PCDHA10: variants seen among roughly 807,000 people sequenced by gnomAD.
The protein encoded by PCDHA10 is protocadherin alpha 10.
A neutral mutation model predicts 61.2 loss-of-function variants in PCDHA10; 45 were observed. The observed-to-expected ratio is 0.74, with a 90% CI of 0.58 to 0.94. The LOEUF (loss-of-function observed/expected upper bound fraction) is 0.94, where lower values mean the gene tolerates loss of function less well. Among genes scored for constraint, PCDHA10 ranks in the 40% least tolerant of loss-of-function variants. The probability of loss-of-function intolerance (pLI) is 0.00; values close to 1 mark genes in which losing one functional copy is unlikely to be tolerated. For synonymous variants in PCDHA10, 602 were observed against 548.8 expected, an observed-to-expected ratio of 1.10 and a Z score of -1.35; for missense variants, 1,278 against 1,236.2, an observed-to-expected ratio of 1.03 and a Z score of -0.51.
intron 3 of PCDHA10, among the ~76,000 whole-genome samples, chr5:140,994,027 A>G (rs1237081548): frequency 2.6e-5 from 4 of 152,234 alleles, no homozygotes; most frequent in Non-Finnish European, 2.9e-5. Context: ...TGCAGATATA[A>G]TATTAAATAT....
rs374326542 is a variant in PCDHA10, at chr5:140,927,218, A to G, written c.2389-51731A>G. The G allele has an allele frequency of 2.5e-6, 4 of 1,613,972 alleles. No individual in the cohort carries two copies. The African/African-American group carries it at 5.3e-5, about 22-fold the overall frequency. On this transcript the variant is annotated intron_variant, in intron 1 of 3. Coordinates refer to ENST00000307360, the MANE Select transcript of PCDHA10 (RefSeq NM_018901.4). ...CTCGAGGACCCGCTGGAGCTGCACA[A>G]GATTCGGATTCACGTCCTGGACACC...
At position 140,928,541 on chromosome 5, in the gene PCDHA10, A is replaced by T. The variant is rs149868042; in HGVS notation, c.2389-50408A>T. Reference sequence around the variant, plus strand: ...AACTTGTTTGTGGTAGATAGGAATGACAATTATCCGGTTATCTTGTTTCCC... The same window carrying T: ...AACTTGTTTGTGGTAGATAGGAATGTCAATTATCCGGTTATCTTGTTTCCC... On this transcript the variant is annotated intron_variant, in intron 1 of 3. Transcript: ENST00000307360. 1,755 of 1,614,192 alleles carry T rather than the reference A, an allele frequency of 1.1e-3. 11 individuals carry two copies. In the African/African-American group the frequency reaches 0.015, roughly 13 times the overall value.
chr5:140,872,015 G>T (rs1322069149), intron 1 of PCDHA10, among the ~76,000 whole-genome samples: 3 of 152,208 alleles, frequency 2.0e-5, no homozygotes, highest in Non-Finnish European at 4.4e-5. Flanking sequence ...GTGACCTGTA[G>T]CCTGGAACTG....
intron 1 of PCDHA10, among the ~76,000 whole-genome samples, chr5:140,948,089 G>A (rs1348120900): frequency 6.6e-6 from 1 of 151,454 alleles, no homozygotes; most frequent in African/African-American, 2.4e-5. Flanking sequence ...CTATTGATAT[G>A]AGCATATGAT....
chr5:140,991,885 A>G (rs1554252463), intron 3 of PCDHA10, among the ~76,000 whole-genome samples: 1 of 152,198 alleles, frequency 6.6e-6, no homozygotes, highest in Non-Finnish European at 1.5e-5. Context: ...GGCTGCCATA[A>G]CAAATTAACA....
intron 1 of PCDHA10, chr5:140,882,232 T>C: frequency 1.9e-6 from 3 of 1,575,806 alleles, no homozygotes; most frequent in African/African-American, 1.4e-5. Context: ...AGGCGTTGTA[T>C]ATATTGCAGA....
At chr5:140,895,730 A>G (rs781978402) in intron 1 of PCDHA10, among the ~76,000 whole-genome samples, 4 of 152,280 alleles carry the variant, frequency 2.6e-5, no homozygotes, top group Middle Eastern at 3.4e-3. Flanking sequence ...CCTCCATTCA[A>G]TGGGCTGCAA....
At chr5:140,907,712 T>A (rs1562961756) in intron 1 of PCDHA10, among the ~76,000 whole-genome samples, 1 of 152,198 alleles carries the variant, frequency 6.6e-6, no homozygotes, top group African/African-American at 2.4e-5. Context: ...GCTGAGCCCA[T>A]GTGTAACCTC....
At chr5:140,988,856 C>G (rs1363693153) in intron 3 of PCDHA10, 1 of 152,180 alleles carries the variant, frequency 6.6e-6, no homozygotes, top group African/African-American at 2.4e-5. Context: ...CCTATCCAGT[C>G]TCATGTGCAC....
At chr5:140,978,914 C>A (rs2096828574) in intron 1 of PCDHA10, 35 bp from the exon 2 acceptor site, 10 of 1,613,852 alleles carry the variant, frequency 6.2e-6, no homozygotes, top group Non-Finnish European at 8.5e-6. Context: ...ATTGTCTTGT[C>A]ATTTTAACAG....
At chr5:140,967,790 C>T in intron 1 of PCDHA10, 1 of 1,614,188 alleles carries the variant, frequency 6.2e-7, no homozygotes, top group Non-Finnish European at 8.5e-7. Flanking sequence ...TGACCGGGGT[C>T]CAGTGCCCAT....
At position 140,924,901 on chromosome 5, in the gene PCDHA10, A is replaced by AAAAT. The variant is rs1554202314; in HGVS notation, c.2389-54045_2389-54044insTAAA. ...CAGAGCAAGAACCTGTCTCAAAAAA[A>AAAAT]AAAATAAAATAAAATAAAATAAAAT... On this transcript the variant is annotated intron_variant, in intron 1 of 3. Coordinates refer to ENST00000307360, the MANE Select transcript of PCDHA10 (RefSeq NM_018901.4). 7.3e-4 allele frequency among the ~76,000 whole-genome samples: 59 copies of AAAAT among 80,496 alleles called. 1 individual carries two copies. The highest frequency in any genetic ancestry group is 6.1e-3 in the Middle Eastern group (1 of 164). The allele number at this position is 80,496 out of a possible 152,430, so 52.8% of individuals were successfully genotyped here. A position where few individuals can be genotyped will look rare whatever the true frequency, so the allele number is the denominator to read the frequency against.
rs782301019 is a variant in PCDHA10 at position 140,876,753 on chromosome 5, G to T, written c.2388+18317G>T. On this transcript the variant is annotated intron_variant, in intron 1 of 3. Coordinates refer to ENST00000307360, the MANE Select transcript of PCDHA10 (RefSeq NM_018901.4). ...CGGCCTATGAGCTGGTGGTGACTGC[G>T]CGGGATGGGGGCTCGCCTTCGCTGT... is the stretch of plus-strand genomic sequence containing the variant. 1.1e-5 allele frequency: 17 copies of T among 1,614,128 alleles called. No homozygotes were observed. In the Admixed American group the frequency reaches 2.8e-4, roughly 27 times the overall value.
At chr5:140,938,876 AAC>A (rs142461507) in intron 1 of PCDHA10, among the ~76,000 whole-genome samples, 10 of 151,120 alleles carry the variant, frequency 6.6e-5, no homozygotes, top group Non-Finnish European at 1.3e-4. Flanking sequence ...GTTAAGAAGC[AAC>A]ACACACACAC....
intron 3 of PCDHA10, among the ~76,000 whole-genome samples, chr5:140,998,370 G>A (rs1321470929): frequency 2.6e-5 from 4 of 152,106 alleles, no homozygotes; most frequent in Admixed American, 1.3e-4. Flanking sequence ...TGCACACACC[G>A]TCTCTAGAAA....
chr5:140,875,206 A>G (rs1554167551), intron 1 of PCDHA10: 2 of 644,508 alleles, frequency 3.1e-6, no homozygotes, highest in South Asian at 3.9e-5. Context: ...AAGTGGCTAA[A>G]CCGAAAAGAA....
intron 1 of PCDHA10, among the ~76,000 whole-genome samples, chr5:140,908,777 TCTC>T (rs2074149319): frequency 6.6e-6 from 1 of 152,144 alleles, no homozygotes; most frequent in African/African-American, 2.4e-5. Flanking sequence ...TGTAGAGTCT[TCTC>T]CTGTTCTGTA....
At chr5:140,953,398 C>G (rs1247752047) in intron 1 of PCDHA10, among the ~76,000 whole-genome samples, 9 of 152,150 alleles carry the variant, frequency 5.9e-5, no homozygotes, top group Non-Finnish European at 7.3e-5. Flanking sequence ...GATTACAGTG[C>G]TGTTGCTCCT....
chr5:140,977,923 C>T (rs573696974), intron 1 of PCDHA10, among the ~76,000 whole-genome samples: 2 of 151,828 alleles, frequency 1.3e-5, no homozygotes, highest in Admixed American at 1.3e-4. Flanking sequence ...TTTTTTCATT[C>T]AACTATACCT....
Sources: gnomAD v4.1 joint callset for allele counts (sites outside exome capture counted in the v4.1 genomes callset) on GRCh38, gnomAD v4.1.1 for gene constraint, MANE v1.5 for transcripts, NCBI Gene and HGNC (gene_info 2026-07-23, HGNC 2026-07-21) for gene names.